H3-5: variants seen among roughly 807,000 people sequenced by gnomAD.
H3-5 encodes the protein histone H3.3C.
A neutral mutation model predicts 8.8 loss-of-function variants in H3-5; 9 were observed. That is an observed-to-expected ratio of 1.03 (90% CI 0.62 to 1.79). H3-5 has a LOEUF of 1.79. H3-5 is among the 40% of genes most tolerant of loss of function. The pLI, the probability that H3-5 is intolerant of heterozygous loss-of-function variation, is 0.00. For missense variants in H3-5, 173 were observed against 183.8 expected (o/e 0.94, Z 0.34); for synonymous variants, 82 against 76.1 (o/e 1.08, Z -0.40).
At position 31,791,906 on chromosome 12, in the gene H3-5, T is replaced by G. The variant is rs771226765; in HGVS notation, c.261A>C (p.Ala87=). The change falls in exon 1 of 1, where the codon GCA becomes GCC. Residue 87 remains alanine, a synonymous_variant. Transcript: ENST00000340398. ...DFNTDLRFQS[A]AVGALQEASE... is the part of the protein sequence containing the mutation. ...TAGCCTCCTGCAGCGCACCGACGGC[T>G]GCGCTCTGAAACCTCAGGTCAGTGT... 1.2e-5 allele frequency: 20 copies of G among 1,614,084 alleles called. No homozygotes were observed. The highest frequency in any genetic ancestry group is 1.2e-4 in the African/African-American group (9 of 74,930).
At position 31,791,602 on chromosome 12, in the gene H3-5, G is replaced by A; in HGVS notation, c.*157C>T. 1.1e-6 allele frequency: 1 copy of A among 896,988 alleles called. No individual in the cohort carries two copies. Among genetic ancestry groups the A allele is most frequent in the South Asian group, 1.7e-5 (1 of 59,206 alleles). 55.6% of individuals were successfully genotyped at this position (896,988 alleles called of 1,614,324 possible). On this transcript the variant is annotated 3_prime_UTR_variant, in exon 1 of 1. Transcript: ENST00000340398. ...GAGCAACAGTGCTGACATCACTGAG[G>A]TCTGTAAACAGTCACTTTTCGCATT...
At position 31,792,262 on chromosome 12, in the gene H3-5, G is replaced by C. The variant is rs1371296232; in HGVS notation, c.-96C>G. On this transcript the variant is annotated 5_prime_UTR_variant, in exon 1 of 1. Coordinates refer to ENST00000340398, the MANE Select transcript of H3-5 (RefSeq NM_001013699.3). ...GAGCCGCAGTCGCGAGCGAAGAACCGACACTGGTCCAACGAACGACCAAAC... is the reference window on the plus strand; with the variant it reads ...GAGCCGCAGTCGCGAGCGAAGAACCCACACTGGTCCAACGAACGACCAAAC... 3.4e-6 allele frequency: 5 copies of C among 1,461,960 alleles called. No individual in the cohort carries two copies. The Admixed American group carries it at 6.3e-5, about 18-fold the overall frequency. The allele number at this position is 1,461,960 out of a possible 1,614,324, so 90.6% of individuals were successfully genotyped here. A position where few individuals can be genotyped will look rare whatever the true frequency, so the allele number is the denominator to read the frequency against.
In H3-5 at chr12:31,792,063, C is replaced by T; in HGVS notation, c.104G>A (p.Gly35Glu). ...AGGCCTGTAGCGATGAGGCTTCACC[C>T]CGCAGGTAGAGGGGGTGCTTTTCCT... Reference protein sequence around the residue: ...AARKSTPSTCGVKPHRYRPGT... With the variant: ...AARKSTPSTCEVKPHRYRPGT... The change falls in exon 1 of 1, where the codon GGG becomes GAG. Residue 35 changes from glycine (G) to glutamate (E), a missense_variant. Gly to Glu is a moderately conservative substitution (Grantham distance 98). Coordinates refer to ENST00000340398, the MANE Select transcript of H3-5 (RefSeq NM_001013699.3). 1.2e-6 allele frequency: 2 copies of T among 1,614,234 alleles called. No homozygotes were observed. Among genetic ancestry groups the T allele is most frequent in the Non-Finnish European group, 1.7e-6 (2 of 1,180,042 alleles).
In H3-5 at chr12:31,792,050, A is replaced by G; in HGVS notation, c.117T>C (p.His39=). The G allele has an allele frequency of 6.2e-7, 1 of 1,614,184 alleles. No homozygotes were observed. The change falls in exon 1 of 1, where the codon CAT becomes CAC. Residue 39 remains histidine (H), a synonymous_variant. Transcript: ENST00000340398. ...GCGCCACGGTCCCAGGCCTGTAGCG[A>G]TGAGGCTTCACCCCGCAGGTAGAGG... is the stretch of plus-strand genomic sequence containing the variant. ...STPSTCGVKP[H]RYRPGTVALR...
At position 31,792,011 on chromosome 12, in the gene H3-5, A is replaced by G. The variant is rs759411488; in HGVS notation, c.156T>C (p.Arg52=). The part of the protein sequence containing the change: ...RPGTVALREI[R]RYQKSTELLI... ...GCAGCTCGGTCGACTTCTGATAACG[A>G]CGAATCTCTCGAAGCGCCACGGTCC... Residue 52 remains arginine, a synonymous_variant, in exon 1 of 1, where the codon CGT becomes CGC. Transcript: ENST00000340398. The G allele has an allele frequency of 2.5e-6, 4 of 1,614,152 alleles. No homozygotes were observed. The East Asian group carries it at 8.9e-5, about 36-fold the overall frequency.
chr12:31,792,035 C>T lies in H3-5; in HGVS notation c.132G>A (p.Gly44=). Residue 44 remains glycine, a synonymous_variant, in exon 1 of 1, where the codon GGG becomes GGA. Transcript: ENST00000340398. ...GACGAATCTCTCGAAGCGCCACGGT[C>T]CCAGGCCTGTAGCGATGAGGCTTCA... ...CGVKPHRYRP[G]TVALREIRRY... 7 of 1,614,190 alleles carry T rather than the reference C, an allele frequency of 4.3e-6. No homozygotes were observed. Among genetic ancestry groups the T allele is most frequent in the Non-Finnish European group, 5.9e-6 (7 of 1,180,040 alleles).
chr12:31,791,715 A>G lies in H3-5; in HGVS notation c.*44T>C. On this transcript the variant is annotated 3_prime_UTR_variant, in exon 1 of 1. Coordinates refer to ENST00000340398, the MANE Select transcript of H3-5 (RefSeq NM_001013699.3). ...AAAAAGTCACCAATTAAACCAAAGT[A>G]TTTTACAGAATTTACTACAAAATGC... is the stretch of plus-strand genomic sequence containing the variant. The G allele has an allele frequency of 6.3e-7, 1 of 1,593,970 alleles. No homozygotes were observed. The highest frequency in any genetic ancestry group is 8.5e-7 in the Non-Finnish European group (1 of 1,170,098).
At position 31,791,789 on chromosome 12, in the gene H3-5, C is replaced by G; in HGVS notation, c.378G>C (p.Leu126Phe). Residue 126 changes from leucine (L) to phenylalanine (F), a missense_variant, in exon 1 of 1, where the codon TTG (leucine) becomes TTC (phenylalanine). Transcript: ENST00000340398. Reference protein sequence around the residue: ...RVTIMPKDIQLARRIRGERA With the variant: ...RVTIMPKDIQFARRIRGERA ...CTCTCTCTCCCCGTATCCGGCGAGC[C>G]AACTGGATGTCTTTGGGCATGATGG... 6.2e-7 allele frequency: 1 copy of G among 1,614,128 alleles called. No individual in the cohort carries two copies. Among genetic ancestry groups the G allele is most frequent in the Non-Finnish European group, 8.5e-7 (1 of 1,180,022 alleles).
At position 31,792,075 on chromosome 12, in the gene H3-5, G is replaced by A. The variant is rs370904771; in HGVS notation, c.92C>T (p.Pro31Leu). The A allele has an allele frequency of 6.2e-7, 1 of 1,614,188 alleles. No homozygotes were observed. The change falls in exon 1 of 1, where the codon CCC (proline) becomes CTC (leucine). Residue 31 changes from proline to leucine, a missense_variant. Physicochemically the swap from Pro to Leu is moderately conservative, Grantham distance 98. Coordinates refer to ENST00000340398, the MANE Select transcript of H3-5 (RefSeq NM_001013699.3). ...ATGAGGCTTCACCCCGCAGGTAGAG[G>A]GGGTGCTTTTCCTGGCAGCTTTCGT... The part of the protein sequence containing the change: ...LATKAARKST[P>L]STCGVKPHRY...
chr12:31,792,185 G>C lies in H3-5; in HGVS notation c.-19C>G. ...GGGCCATTTTCTTTCACCCAACGCC[G>C]AAGTTTTAGGCCACTTCTCCGACCT... On this transcript the variant is annotated 5_prime_UTR_variant, in exon 1 of 1. Coordinates refer to ENST00000340398, the MANE Select transcript of H3-5 (RefSeq NM_001013699.3). The C allele has an allele frequency of 5.6e-6, 9 of 1,606,068 alleles. No individual in the cohort carries two copies. Among genetic ancestry groups the C allele is most frequent in the Non-Finnish European group, 7.7e-6 (9 of 1,174,768 alleles).
In H3-5 at chr12:31,792,249, C is replaced by T. The variant is rs1381738713; in HGVS notation, c.-83G>A. ...GCTGCCCGAGGAAGAGCCGCAGTCGCGAGCGAAGAACCGACACTGGTCCAA... is the reference window on the plus strand; with the variant it reads ...GCTGCCCGAGGAAGAGCCGCAGTCGTGAGCGAAGAACCGACACTGGTCCAA... On this transcript the variant is annotated 5_prime_UTR_variant, in exon 1 of 1. Coordinates refer to ENST00000340398, the MANE Select transcript of H3-5 (RefSeq NM_001013699.3). 3 of 1,529,286 alleles carry T rather than the reference C, an allele frequency of 2.0e-6. No individual in the cohort carries two copies. Among genetic ancestry groups the T allele is most frequent in the Non-Finnish European group, 2.6e-6 (3 of 1,132,838 alleles). 94.7% of individuals were successfully genotyped at this position (1,529,286 alleles called of 1,614,324 possible). A position where few individuals can be genotyped will look rare whatever the true frequency, so the allele number is the denominator to read the frequency against.
At position 31,792,115 on chromosome 12, in the gene H3-5, G is replaced by C. The variant is rs373518865; in HGVS notation, c.52C>G (p.Arg18Gly). 6.2e-7 allele frequency: 1 copy of C among 1,614,050 alleles called. No homozygotes were observed. Residue 18 changes from arginine (R) to glycine (G), a missense_variant, in exon 1 of 1, where the codon CGC becomes GGC. Coordinates refer to ENST00000340398, the MANE Select transcript of H3-5 (RefSeq NM_001013699.3). Reference protein sequence around the residue: ...ARKSTGGKAPRKQLATKAARK... With the variant: ...ARKSTGGKAPGKQLATKAARK... ...GCAGCTTTCGTGGCCAGCTGTTTGC[G>C]GGGGGCTTTCCCACCGGTGGATTTA...
chr12:31,792,004 G>T lies in H3-5; in HGVS notation c.163C>A (p.Gln55Lys). ...TVALREIRRY[Q>K]KSTELLIRKL... ...CGGATGAGCAGCTCGGTCGACTTCT[G>T]ATAACGACGAATCTCTCGAAGCGCC... The change falls in exon 1 of 1, where the codon CAG becomes AAG. Residue 55 changes from glutamine to lysine, a missense_variant. Physicochemically the swap from Gln to Lys is moderately conservative, Grantham distance 53. Coordinates refer to ENST00000340398, the MANE Select transcript of H3-5 (RefSeq NM_001013699.3). The T allele has an allele frequency of 6.2e-7, 1 of 1,614,184 alleles. No individual in the cohort carries two copies. Among genetic ancestry groups the T allele is most frequent in the East Asian group, 2.2e-5 (1 of 44,872 alleles).
Position 31,791,850 on chromosome 12 carries a change from T to C in H3-5, c.317A>G (p.Asp106Gly). The change falls in exon 1 of 1, where the codon GAT becomes GGT. Residue 106 changes from aspartate (D) to glycine (G), a missense_variant. By Grantham distance (94) the Asp-to-Gly change is moderately conservative. Transcript: ENST00000340398. ...AGCGTGGATGGCACACAGGTTAGTA[T>C]CTTCCAACAGACCCACCAGGTACGC... ...SEAYLVGLLE[D>G]TNLCAIHAKR... 1 of 1,614,210 alleles carries C rather than the reference T, an allele frequency of 6.2e-7. No individual in the cohort carries two copies. The highest frequency in any genetic ancestry group is 8.5e-7 in the Non-Finnish European group (1 of 1,180,044).
rs1940986442 is a variant in H3-5, at chr12:31,792,258, A to G, written c.-92T>C. On this transcript the variant is annotated 5_prime_UTR_variant, in exon 1 of 1. Transcript: ENST00000340398. ...GGAAGAGCCGCAGTCGCGAGCGAAGAACCGACACTGGTCCAACGAACGACC... is the reference window on the plus strand; with the variant it reads ...GGAAGAGCCGCAGTCGCGAGCGAAGGACCGACACTGGTCCAACGAACGACC... 6 of 1,485,500 alleles carry G rather than the reference A, an allele frequency of 4.0e-6. No individual in the cohort carries two copies. The highest frequency in any genetic ancestry group is 2.3e-5 in the East Asian group (1 of 43,936). The allele number at this position is 1,485,500 out of a possible 1,614,324, so 92.0% of individuals were successfully genotyped here.
At position 31,792,131 on chromosome 12, in the gene H3-5, G is replaced by A; in HGVS notation, c.36C>T (p.Thr12=). The A allele has an allele frequency of 6.2e-7, 1 of 1,614,054 alleles. No individual in the cohort carries two copies. The highest frequency in any genetic ancestry group is 1.1e-5 in the South Asian group (1 of 91,076). ...GCTGTTTGCGGGGGGCTTTCCCACC[G>A]GTGGATTTACGAGCAGTCTGCTTGG... ...ARTKQTARKS[T]GGKAPRKQLA... Residue 12 remains threonine, a synonymous_variant, in exon 1 of 1, where the codon ACC becomes ACT. Coordinates refer to ENST00000340398, the MANE Select transcript of H3-5 (RefSeq NM_001013699.3).
In H3-5 at chr12:31,791,683, C is replaced by T. The variant is rs764249459; in HGVS notation, c.*76G>A. 1 of 1,537,558 alleles carries T rather than the reference C, an allele frequency of 6.5e-7. No individual in the cohort carries two copies. Among genetic ancestry groups the T allele is most frequent in the Non-Finnish European group, 8.8e-7 (1 of 1,135,808 alleles). On this transcript the variant is annotated 3_prime_UTR_variant, in exon 1 of 1. Coordinates refer to ENST00000340398, the MANE Select transcript of H3-5 (RefSeq NM_001013699.3). ...TACAAATGCAACATATAAACAATTT[C>T]TTACAAAAAAAGTCACCAATTAAAC...
rs1175924838 is a variant in H3-5 at position 31,791,892 on chromosome 12, A to G, written c.275T>C (p.Leu92Pro). 4 of 1,614,050 alleles carry G rather than the reference A, an allele frequency of 2.5e-6. No individual in the cohort carries two copies. Among genetic ancestry groups the G allele is most frequent in the Non-Finnish European group, 3.4e-6 (4 of 1,180,048 alleles). Residue 92 changes from leucine to proline, a missense_variant, in exon 1 of 1, where the codon CTG becomes CCG. Physicochemically the swap from Leu to Pro is moderately conservative, Grantham distance 98. Transcript: ENST00000340398. ...LRFQSAAVGA[L>P]QEASEAYLVG... ...CAGGTACGCTTCGCTAGCCTCCTGC[A>G]GCGCACCGACGGCTGCGCTCTGAAA... is the stretch of plus-strand genomic sequence containing the variant.
chr12:31,791,838 C>T lies in H3-5; in HGVS notation c.329G>A (p.Cys110Tyr). 1 of 1,614,190 alleles carries T rather than the reference C, an allele frequency of 6.2e-7. No homozygotes were observed. Among genetic ancestry groups the T allele is most frequent in the Non-Finnish European group, 8.5e-7 (1 of 1,180,040 alleles). The change falls in exon 1 of 1, where the codon TGT becomes TAT. Residue 110 changes from cysteine to tyrosine, a missense_variant. By Grantham distance (194) the Cys-to-Tyr change is radical (BLOSUM62 -2). Transcript: ENST00000340398. The stretch of plus-strand genomic sequence containing the variant: ...GGTGACTCTCTTAGCGTGGATGGCA[C>T]ACAGGTTAGTATCTTCCAACAGACC... ...LVGLLEDTNL[C>Y]AIHAKRVTIM...
Sources: gnomAD v4.1 joint callset for allele counts on GRCh38, gnomAD v4.1.1 for gene constraint, MANE v1.5 for transcripts, NCBI Gene and HGNC (gene_info 2026-07-23, HGNC 2026-07-21) for gene names.